The following CACNA2D3 variants were observed in gnomAD, a reference collection of about 807,000 sequenced individuals.
The protein encoded by CACNA2D3 is calcium voltage-gated channel auxiliary subunit alpha2delta 3, also known as voltage-dependent calcium channel subunit alpha-2/delta-3.
CACNA2D3 carries 60 observed loss-of-function variants against 160.6 expected under a neutral mutation model. That is an observed-to-expected ratio of 0.37 (90% confidence interval 0.30 to 0.46). The LOEUF (loss-of-function observed/expected upper bound fraction) is 0.46. Ranked by LOEUF, CACNA2D3 falls within the 20% of genes least tolerant of loss-of-function variation. The pLI is 1.00. For synonymous variants in CACNA2D3, 558 were observed against 492.9 expected, an observed-to-expected ratio of 1.13 and a Z score of -1.75; for missense variants, 1,205 against 1,365.0, an observed-to-expected ratio of 0.88 and a Z score of 1.85.
At chr3:54,468,590 C>T (rs918459875) in intron 4 of CACNA2D3, among the ~76,000 whole-genome samples, 9 of 152,188 alleles carry the variant, frequency 5.9e-5, no homozygotes, top group Non-Finnish European at 1.0e-4. Context: ...CGTTTCCCCC[C>T]TCTGGAAAGT....
chr3:54,968,385 C>A, intron 27 of CACNA2D3, 65 bp from the exon 28 acceptor site: 2 of 1,096,542 alleles, frequency 1.8e-6, no homozygotes, highest in Non-Finnish European at 2.7e-6. Flanking sequence ...TAATTTTCAA[C>A]GATAATCTTA....
At chr3:54,738,255 T>C (rs1701572397) in intron 11 of CACNA2D3, among the ~76,000 whole-genome samples, 1 of 152,204 alleles carries the variant, frequency 6.6e-6, no homozygotes, top group Non-Finnish European at 1.5e-5. Context: ...TGGCAGATAA[T>C]CTGGCTTCTC....
intron 11 of CACNA2D3, among the ~76,000 whole-genome samples, chr3:54,649,170 T>G (rs985940310): frequency 3.3e-5 from 5 of 152,198 alleles, no homozygotes; most frequent in African/African-American, 9.7e-5. Flanking sequence ...TCTCCTTGCT[T>G]CTTCATCAGT....
intron 5 of CACNA2D3, among the ~76,000 whole-genome samples, chr3:54,557,768 A>C (rs937677414): frequency 6.6e-6 from 1 of 152,224 alleles, no homozygotes. Context: ...TCCATTTTCC[A>C]GGATCGTGAG....
At chr3:54,653,691 G>T (rs985532665) in intron 11 of CACNA2D3, among the ~76,000 whole-genome samples, 13 of 152,232 alleles carry the variant, frequency 8.5e-5, no homozygotes, top group Admixed American at 7.8e-4. Flanking sequence ...CGAAGCCACT[G>T]ATGCACGGCT....
Position 54,312,840 on chromosome 3 carries a change from C to T in CACNA2D3, c.205-7602C>T, listed in dbSNP as rs1428390106. Among the ~76,000 whole-genome samples, 4 of 152,166 alleles carry T rather than the reference C, an allele frequency of 2.6e-5. No individual in the cohort carries two copies. In the East Asian group the frequency reaches 7.7e-4, roughly 29 times the overall value. ...CAAATGTGACACAGAATGCGTTCTG[C>T]CTAGACCCCAGTCCTGGCTAAATCC... On this transcript the variant is annotated intron_variant, in intron 2 of 37. Transcript: ENST00000474759.
intron 4 of CACNA2D3, among the ~76,000 whole-genome samples, chr3:54,491,519 A>G (rs979955590): frequency 6.6e-5 from 10 of 152,108 alleles, no homozygotes; most frequent in Non-Finnish European, 1.3e-4. Flanking sequence ...TTCAGAGTTC[A>G]TTGTTCTGAG....
chr3:54,465,414 T>A (rs1700604106), intron 4 of CACNA2D3, among the ~76,000 whole-genome samples: 1 of 152,232 alleles, frequency 6.6e-6, no homozygotes, highest in South Asian at 2.1e-4. Flanking sequence ...ATTGTTAATC[T>A]CTTACTGTGC....
At position 54,274,972 on chromosome 3, in the gene CACNA2D3, C is replaced by T. The variant is rs556643578; in HGVS notation, c.205-45470C>T. On this transcript the variant is annotated intron_variant, in intron 2 of 37. Transcript: ENST00000474759. ...TTAGGAAGAAGTCACCAGGTCTAAC[C>T]CACACTCATGGGAAGAGGGTTGCAC... Among the ~76,000 whole-genome samples, 5 of 152,332 alleles carry T rather than the reference C, an allele frequency of 3.3e-5. No individual in the cohort carries two copies. The South Asian group carries it at 1.0e-3, about 32-fold the overall frequency.
chr3:54,141,097 G>GCGCGCA (rs1559860132), intron 2 of CACNA2D3, among the ~76,000 whole-genome samples: 1 of 133,666 alleles, frequency 7.5e-6, no homozygotes, highest in East Asian at 2.0e-4. Flanking sequence ...GCGCGCGCGC[G>GCGCGCA]CGTGTGTGCA....
At chr3:54,971,489 G>A (rs1024484240) in intron 29 of CACNA2D3, among the ~76,000 whole-genome samples, 3 of 152,182 alleles carry the variant, frequency 2.0e-5, no homozygotes, top group Non-Finnish European at 4.4e-5. Flanking sequence ...TGTACAGATG[G>A]TTGGACGGGT....
intron 4 of CACNA2D3, among the ~76,000 whole-genome samples, chr3:54,405,955 G>T (rs1028987357): frequency 3.3e-5 from 5 of 151,982 alleles, no homozygotes; most frequent in Admixed American, 2.6e-4. Flanking sequence ...AAGGGGCTCA[G>T]CATCACTAAT....
chr3:54,660,475 T>G (rs573889074), intron 11 of CACNA2D3, among the ~76,000 whole-genome samples: 1 of 152,292 alleles, frequency 6.6e-6, no homozygotes, highest in East Asian at 1.9e-4. Context: ...CTAAGCTAAC[T>G]TTATTGGTAG....
At chr3:54,185,188 C>T (rs948301081) in intron 2 of CACNA2D3, among the ~76,000 whole-genome samples, 1 of 152,200 alleles carries the variant, frequency 6.6e-6, no homozygotes, top group African/African-American at 2.4e-5. Context: ...TGCAGTTCTT[C>T]TAAATGGCTT....
rs561374976 is a variant in CACNA2D3, at chr3:54,717,693, C to T, written c.1168-34906C>T. Among the ~76,000 whole-genome samples the T allele has an allele frequency of 2.8e-3, 303 of 106,816 alleles. 2 individuals carry two copies. Among genetic ancestry groups the T allele is most frequent in the Middle Eastern group, 8.2e-3 (1 of 122 alleles). The allele number at this position is 106,816 out of a possible 152,430, so 70.1% of individuals were successfully genotyped here. ...GTGTGGTGTGTGTGGTGTGTGCGTGCGTGTGTGTGGTGTGTGCATGTGTGC... is the reference window on the plus strand; with the variant it reads ...GTGTGGTGTGTGTGGTGTGTGCGTGTGTGTGTGTGGTGTGTGCATGTGTGC... On this transcript the variant is annotated intron_variant, in intron 11 of 37. Transcript: ENST00000474759.
intron 31 of CACNA2D3, among the ~76,000 whole-genome samples, chr3:54,994,640 A>G (rs1185861897): frequency 6.6e-6 from 1 of 152,182 alleles, no homozygotes; most frequent in African/African-American, 2.4e-5. Context: ...AATACTAACT[A>G]TAGGCAAGGC....
intron 31 of CACNA2D3, among the ~76,000 whole-genome samples, chr3:54,999,603 T>G (rs1233934578): frequency 6.6e-6 from 1 of 152,188 alleles, no homozygotes; most frequent in Non-Finnish European, 1.5e-5. Context: ...GGCCAGTTGT[T>G]TAGCCAAAGT....
At chr3:54,805,464 A>T (rs1221477002) in intron 13 of CACNA2D3, among the ~76,000 whole-genome samples, 5 of 151,602 alleles carry the variant, frequency 3.3e-5, no homozygotes, top group African/African-American at 1.2e-4. Context: ...GAAATGGATA[A>T]ATTCCTCAAC....
chr3:54,155,031 A>G (rs1285280667), intron 2 of CACNA2D3, among the ~76,000 whole-genome samples: 1 of 152,250 alleles, frequency 6.6e-6, no homozygotes, highest in Non-Finnish European at 1.5e-5. Flanking sequence ...CATGGTAGAA[A>G]TAACTGCTAT....
Sources: gnomAD v4.1 joint callset for allele counts (sites outside exome capture counted in the v4.1 genomes callset) on GRCh38, gnomAD v4.1.1 for gene constraint, MANE v1.5 for transcripts, NCBI Gene and HGNC (gene_info 2026-07-23, HGNC 2026-07-21) for gene names.